Variants in CRYBG2 observed in about 807,000 individuals in gnomAD.
CRYBG2 encodes the protein crystallin beta-gamma domain containing 2, also known as beta/gamma crystallin domain-containing protein 2.
A neutral mutation model predicts 153.4 loss-of-function variants in CRYBG2; 106 were observed. The ratio of observed to expected loss-of-function variants is 0.69; its 90% CI spans 0.59 to 0.81. The LOEUF (loss-of-function observed/expected upper bound fraction) is 0.81. CRYBG2 is among the 30% of genes least tolerant of loss of function. The pLI is 0.00. For synonymous variants in CRYBG2, 851 were observed against 877.8 expected (o/e 0.97, Z 0.54); for missense variants, 1,996 against 2,112.0 (o/e 0.95, Z 1.08).
intron 1 of CRYBG2, among the ~76,000 whole-genome samples, chr1:26,350,085 G>C (rs951207812): frequency 2.0e-5 from 3 of 152,134 alleles, no homozygotes; most frequent in Non-Finnish European, 4.4e-5. Context: ...ACAGTGCTGG[G>C]ATTACAGGTG....
intron 4 of CRYBG2, 77 bp downstream of exon 4, chr1:26,342,970 G>A: frequency 6.4e-7 from 1 of 1,559,746 alleles, no homozygotes; most frequent in South Asian, 1.2e-5. Context: ...CTCCCAGGCT[G>A]GACTGGTCAC....
At chr1:26,348,462 G>C (rs1479303512) in intron 1 of CRYBG2, among the ~76,000 whole-genome samples, 1 of 152,224 alleles carries the variant, frequency 6.6e-6, no homozygotes, top group African/African-American at 2.4e-5. Flanking sequence ...CCTGGAGGCT[G>C]AGGTGGGAGG....
chr1:26,349,796 G>T (rs1257938279), intron 1 of CRYBG2, among the ~76,000 whole-genome samples: 1 of 146,828 alleles, frequency 6.8e-6, no homozygotes, highest in East Asian at 2.1e-4. Flanking sequence ...GATCATGGGA[G>T]TAGGACTAGA....
At chr1:26,353,200 G>A (rs968869926) in intron 1 of CRYBG2, among the ~76,000 whole-genome samples, 1 of 152,134 alleles carries the variant, frequency 6.6e-6, no homozygotes, top group Non-Finnish European at 1.5e-5. Context: ...GGTGACAGGG[G>A]TTGGGATCAG....
chr1:26,335,274 C>T (rs1443183450), intron 14 of CRYBG2, among the ~76,000 whole-genome samples: 1 of 148,534 alleles, frequency 6.7e-6, no homozygotes, highest in African/African-American at 2.5e-5. Context: ...GTTGGGAATT[C>T]AACACCAGCC....
At chr1:26,326,254 C>T (rs2073925324) in intron 17 of CRYBG2, among the ~76,000 whole-genome samples, 1 of 151,936 alleles carries the variant, frequency 6.6e-6, no homozygotes, top group Non-Finnish European at 1.5e-5. Flanking sequence ...GAAAAAAAAT[C>T]AGGCTGGGCA....
chr1:26,337,969 C>T (rs759406221), intron 8 of CRYBG2, 43 bp downstream of exon 8: 16 of 1,604,470 alleles, frequency 1.0e-5, no homozygotes, highest in South Asian at 4.5e-5. Flanking sequence ...ACCTGCACCC[C>T]GCCACCAAAG....
chr1:26,336,859 A>T lies in CRYBG2; in HGVS notation c.3893T>A (p.Ile1298Asn). The T allele has an allele frequency of 6.2e-7, 1 of 1,602,772 alleles. No homozygotes were observed. Among genetic ancestry groups the T allele is most frequent in the African/African-American group, 1.3e-5 (1 of 74,766 alleles). The stretch of plus-strand genomic sequence containing the variant: ...CACTTACACGCCGCTGAGCACGTGG[A>T]TGGCCTGTGTGCTGGGGCCGTGTTG... ...LVQHGPSTQA[I>N]HVLSGVWVAY... is the part of the protein sequence containing the mutation. Residue 1298 changes from isoleucine to asparagine, a missense_variant, in exon 11 of 20, where the codon ATC becomes AAC. Ile to Asn is a moderately radical substitution (Grantham distance 149, BLOSUM62 -3). Transcript: ENST00000308182. The surrounding 1 kb of genome is among the most constrained non-coding windows in gnomAD (Gnocchi z 4.9).
In CRYBG2 at chr1:26,344,411, T is replaced by C; in HGVS notation, c.2247A>G (p.Thr749=). Residue 749 remains threonine (T), a synonymous_variant, in exon 2 of 20, where the codon ACA becomes ACG. Transcript: ENST00000308182. ...CCTCATCCTCCTCCCTTGATGTCTCTGTGCACGTCTTGCCCTCGGTGGGAT... is the reference window on the plus strand; with the variant it reads ...CCTCATCCTCCTCCCTTGATGTCTCCGTGCACGTCTTGCCCTCGGTGGGAT... ...VSDPTEGKTC[T]ETSREEDEVA... 1 of 1,522,238 alleles carries C rather than the reference T, an allele frequency of 6.6e-7. No homozygotes were observed. Among genetic ancestry groups the C allele is most frequent in the Non-Finnish European group, 8.8e-7 (1 of 1,131,800 alleles). The allele number at this position is 1,522,238 out of a possible 1,614,324, so 94.3% of individuals were successfully genotyped here.
chr1:26,335,493 A>G (rs1474702450), intron 14 of CRYBG2, among the ~76,000 whole-genome samples: 1 of 150,788 alleles, frequency 6.6e-6, no homozygotes, highest in Non-Finnish European at 1.5e-5. Context: ...AAACAAAACA[A>G]TACAAAAAAA....
chr1:26,347,868 C>T (rs1316549014), intron 1 of CRYBG2, among the ~76,000 whole-genome samples: 3 of 152,132 alleles, frequency 2.0e-5, no homozygotes, highest in Non-Finnish European at 4.4e-5. Flanking sequence ...TGAAGTGATC[C>T]TCCCACCTTG....
Position 26,337,277 on chromosome 1 carries a change from C to T in CRYBG2, c.3747G>A (p.Leu1249=), listed in dbSNP as rs773837548. The change falls in exon 10 of 20, where the codon CTG becomes CTA. Residue 1249 remains leucine (L), a synonymous_variant. Coordinates refer to ENST00000308182, the MANE Select transcript of CRYBG2 (RefSeq NM_001039775.4). ...WSHWGGYDEL[L]TSLRVIRTDF... is the part of the protein sequence containing the mutation. ...CCGTCCGGATGACCCGGAGGGAGGT[C>T]AGCAACTCGTCATAGCCTCCCCAGT... is the stretch of plus-strand genomic sequence containing the variant. 15 of 1,614,098 alleles carry T rather than the reference C, an allele frequency of 9.3e-6. No individual in the cohort carries two copies. The highest frequency in any genetic ancestry group is 2.2e-5 in the South Asian group (2 of 91,078).
chr1:26,346,301 G>C lies in CRYBG2; in HGVS notation c.357C>G (p.Asp119Glu), dbSNP rs774058058. 3.8e-6 allele frequency: 6 copies of C among 1,598,706 alleles called. No homozygotes were observed. The African/African-American group carries it at 6.7e-5, about 18-fold the overall frequency. The change falls in exon 2 of 20, where the codon GAC (aspartate) becomes GAG (glutamate). Residue 119 changes from aspartate (D) to glutamate (E), a missense_variant. Transcript: ENST00000308182. The surrounding 1 kb of genome is among the most constrained non-coding windows in gnomAD (Gnocchi z 4.9). The part of the protein sequence containing the change: ...RPEGRLKEAV[D>E]QSDGSRQAPR... The stretch of plus-strand genomic sequence containing the variant: ...GAGCTTGGCGGCTGCCATCACTCTG[G>C]TCCACAGCCTCCTTCAGCCTCCCCT...
chr1:26,345,367 G>A lies in CRYBG2; in HGVS notation c.1291C>T (p.Pro431Ser), dbSNP rs754620858. Residue 431 changes from proline to serine, a missense_variant, in exon 2 of 20, where the codon CCC becomes TCC. Pro to Ser is a moderately conservative substitution (Grantham distance 74, BLOSUM62 -1). Coordinates refer to ENST00000308182, the MANE Select transcript of CRYBG2 (RefSeq NM_001039775.4). ...GGAGCAGAAAGACCTCCTGGGCTGG[G>A]GACATCCTTCCTTCTTGTAGTGGAT... Reference protein sequence around the residue: ...APSTTRRKDVPSPGGLSAPSS... With the variant: ...APSTTRRKDVSSPGGLSAPSS... 2.2e-5 allele frequency: 35 copies of A among 1,613,182 alleles called. No individual in the cohort carries two copies. Among genetic ancestry groups the A allele is most frequent in the Non-Finnish European group, 2.9e-5 (34 of 1,179,852 alleles).
At chr1:26,329,231 C>G (rs777658135) in intron 15 of CRYBG2, among the ~76,000 whole-genome samples, 3 of 131,076 alleles carry the variant, frequency 2.3e-5, no homozygotes, top group Non-Finnish European at 3.1e-5. Flanking sequence ...GGCTGCAGTA[C>G]AGTGGCGCGA....
chr1:26,351,144 A>G (rs1464649233), intron 1 of CRYBG2, among the ~76,000 whole-genome samples: 1 of 152,058 alleles, frequency 6.6e-6, no homozygotes, highest in Non-Finnish European at 1.5e-5. Context: ...AGAGCAGTAC[A>G]CAGCCAGACA....
Position 26,345,950 on chromosome 1 carries a change from T to C in CRYBG2, c.708A>G (p.Lys236=). 1 of 1,594,648 alleles carries C rather than the reference T, an allele frequency of 6.3e-7. No individual in the cohort carries two copies. Among genetic ancestry groups the C allele is most frequent in the Non-Finnish European group, 8.5e-7 (1 of 1,177,412 alleles). The change falls in exon 2 of 20, where the codon AAA becomes AAG. Residue 236 remains lysine (K), a synonymous_variant. Coordinates refer to ENST00000308182, the MANE Select transcript of CRYBG2 (RefSeq NM_001039775.4). ...CAGCAGGCACGAGGTTACTTAGCAC[T>C]TTCACGGCCTGGCTGCGGCTGGGCG... The part of the protein sequence containing the change: ...PGSPSRSQAV[K]VLSNLVPAGH...
At chr1:26,327,957 A>AAG (rs1438322903) in intron 17 of CRYBG2, among the ~76,000 whole-genome samples, 2 of 151,502 alleles carry the variant, frequency 1.3e-5, no homozygotes, top group East Asian at 3.9e-4. Flanking sequence ...ACAAAAAAAA[A>AAG]AAAGAAAAAG....
chr1:26,340,106 C>T (rs947364856), intron 5 of CRYBG2, among the ~76,000 whole-genome samples: 1 of 152,214 alleles, frequency 6.6e-6, no homozygotes, highest in African/African-American at 2.4e-5. Context: ...AGGTACGGTT[C>T]CTGCCTCTGT....
Sources: gnomAD v4.1 joint callset for allele counts (sites outside exome capture counted in the v4.1 genomes callset) on GRCh38, gnomAD v4.1.1 for gene constraint, Gnocchi (gnomAD v3.1) non-coding constraint, MANE v1.5 for transcripts, NCBI Gene and HGNC (gene_info 2026-07-23, HGNC 2026-07-21) for gene names.